TBL1X: variants seen among roughly 807,000 people sequenced by gnomAD.
TBL1X encodes F-box-like/WD repeat-containing protein TBL1X.
In TBL1X, 10 loss-of-function variants were observed where a neutral mutation model predicts 50.7. The ratio of observed to expected loss-of-function variants is 0.20; its 90% CI spans 0.12 to 0.33. The LOEUF (loss-of-function observed/expected upper bound fraction) is 0.33. Ranked by LOEUF, TBL1X falls within the 10% of genes least tolerant of loss-of-function variation. The probability of loss-of-function intolerance (pLI) is 1.00; values close to 1 mark genes in which losing one functional copy is unlikely to be tolerated. For synonymous variants in TBL1X, 190 were observed against 214.7 expected (o/e 0.88, Z 1.01); for missense variants, 340 against 504.4 (o/e 0.67, Z 3.12).
At chrX:9,711,888 G>T (rs1276466981) in intron 16 of TBL1X, 112 bp downstream of exon 16, 8 of 865,757 alleles carry the variant, frequency 9.2e-6, no homozygotes, top group Non-Finnish European at 1.2e-5. Context: ...GCAAGCTCAG[G>T]CTCCCCGGGC....
intron 2 of TBL1X, among the ~76,000 whole-genome samples, chrX:9,516,952 G>T (rs2082083380): frequency 9.0e-6 from 1 of 111,719 alleles, no homozygotes; most frequent in Non-Finnish European, 1.9e-5. Flanking sequence ...AGGGTTTTGG[G>T]TCCTGAGACT....
intron 2 of TBL1X, among the ~76,000 whole-genome samples, chrX:9,518,791 G>A (rs2082093263): frequency 9.0e-6 from 1 of 110,806 alleles, no homozygotes; most frequent in Non-Finnish European, 1.9e-5. Context: ...GTTAGCTTCG[G>A]AGAGCCACTT....
At chrX:9,644,310 G>A (rs1309225911) in intron 3 of TBL1X, among the ~76,000 whole-genome samples, 1 of 112,248 alleles carries the variant, frequency 8.9e-6, no homozygotes, top group Non-Finnish European at 1.9e-5. Flanking sequence ...CCTGCTCCGT[G>A]GAAGCAGTAG....
rs1275421924 is a variant in TBL1X, at chrX:9,521,002, G to A, written c.-131+19153G>A. On this transcript the variant is annotated intron_variant, in intron 2 of 17. Transcript: ENST00000645353. ...AATCCCAGCTGCTCGGGAGGCTGAGGTGGGAGGATAACTTGACCCCAGGAG... is the reference window on the plus strand; with the variant it reads ...AATCCCAGCTGCTCGGGAGGCTGAGATGGGAGGATAACTTGACCCCAGGAG... Among the ~76,000 whole-genome samples, 4 of 111,376 alleles carry A rather than the reference G, an allele frequency of 3.6e-5. No homozygotes were observed. In the East Asian group the frequency reaches 1.1e-3, roughly 31 times the overall value.
At chrX:9,491,331 TA>T (rs1218167181) in intron 1 of TBL1X, among the ~76,000 whole-genome samples, 466 of 28,821 alleles carry the variant, frequency 0.016, 8 homozygotes, top group African/African-American at 0.06. Context: ...TATATATATA[TA>T]TATATATTTT....
chrX:9,561,024 GCA>G (rs1320159918), intron 2 of TBL1X, among the ~76,000 whole-genome samples: 1 of 111,570 alleles, frequency 9.0e-6, no homozygotes, highest in Non-Finnish European at 1.9e-5. Context: ...CTTGGAGGGG[GCA>G]CAGTCACCCG....
At chrX:9,547,216 C>T (rs1032302487) in intron 2 of TBL1X, among the ~76,000 whole-genome samples, 1 of 111,699 alleles carries the variant, frequency 9.0e-6, no homozygotes, top group African/African-American at 3.3e-5. Context: ...GGAACCCCTC[C>T]AGGCTGGGCA....
At chrX:9,621,930 A>AT (rs1232999332) in intron 2 of TBL1X, among the ~76,000 whole-genome samples, 2 of 111,951 alleles carry the variant, frequency 1.8e-5, no homozygotes, top group Admixed American at 9.5e-5. Flanking sequence ...ACTGGAAAGT[A>AT]TATCAGAATG....
chrX:9,630,433 C>T (rs978003896), intron 2 of TBL1X, among the ~76,000 whole-genome samples: 3 of 111,082 alleles, frequency 2.7e-5, no homozygotes, highest in Admixed American at 9.6e-5. Context: ...TCCAGGGAGG[C>T]GCAAGTCTCT....
chrX:9,614,989 G>A (rs191635529), intron 2 of TBL1X, among the ~76,000 whole-genome samples: 2 of 111,434 alleles, frequency 1.8e-5, no homozygotes, highest in Admixed American at 9.5e-5. Flanking sequence ...TAAGCATTCT[G>A]GGAATACCTG....
intron 3 of TBL1X, among the ~76,000 whole-genome samples, chrX:9,652,208 C>T (rs2082839393): frequency 8.9e-6 from 1 of 112,056 alleles, no homozygotes; most frequent in Non-Finnish European, 1.9e-5. Context: ...TGTTAATAAT[C>T]ACAGGAGAGA....
rs550042131 is a variant in TBL1X at position 9,588,111 on chromosome X, C to A, written c.-130-52162C>A. 1.6e-4 allele frequency among the ~76,000 whole-genome samples: 18 copies of A among 112,226 alleles called. No homozygotes were observed. In the South Asian group the frequency reaches 5.9e-3, roughly 37 times the overall value. ...ATAATAATGCAACAATAAAAAAATA[C>A]AAGTTTAAAAACAAATAGAGCATAA... is the stretch of plus-strand genomic sequence containing the variant. On this transcript the variant is annotated intron_variant, in intron 2 of 17. Coordinates refer to ENST00000645353, the MANE Select transcript of TBL1X (RefSeq NM_005647.4).
intron 2 of TBL1X, among the ~76,000 whole-genome samples, chrX:9,635,167 C>T (rs931089248): frequency 5.4e-5 from 6 of 110,828 alleles, no homozygotes; most frequent in Non-Finnish European, 1.1e-4. Flanking sequence ...GCCACGAGCA[C>T]CCGAAGGAAT....
intron 13 of TBL1X, among the ~76,000 whole-genome samples, chrX:9,707,014 G>A (rs1256738121): frequency 1.8e-5 from 2 of 111,830 alleles, no homozygotes; most frequent in East Asian, 2.8e-4. Flanking sequence ...GCTGGCCTGC[G>A]TGTCTGCCTC....
intron 2 of TBL1X, among the ~76,000 whole-genome samples, chrX:9,631,655 A>C (rs1441634150): frequency 8.9e-6 from 1 of 112,751 alleles, no homozygotes; most frequent in African/African-American, 3.2e-5. Context: ...TTTGTGCTAC[A>C]TTTGCCGTAT....
chrX:9,500,221 G>A (rs1318348702), intron 1 of TBL1X, among the ~76,000 whole-genome samples: 1 of 98,478 alleles, frequency 1.0e-5, no homozygotes, highest in African/African-American at 3.8e-5. Flanking sequence ...AGGCTGCAGC[G>A]AGCCATGATG....
intron 3 of TBL1X, among the ~76,000 whole-genome samples, chrX:9,645,891 G>T (rs751106773): frequency 9.0e-5 from 10 of 111,604 alleles, no homozygotes; most frequent in Admixed American, 8.5e-4. Flanking sequence ...CCCAATTTGG[G>T]ACATATCATA....
Position 9,526,654 on chromosome X carries a change from C to T in TBL1X, c.-131+24805C>T, listed in dbSNP as rs567912061. Reference sequence around the variant, plus strand: ...GGGGCCAGTCTTGGCAACTATTCACCTCTGCAACTCAGCCACATTGTGAGA... The same window carrying T: ...GGGGCCAGTCTTGGCAACTATTCACTTCTGCAACTCAGCCACATTGTGAGA... On this transcript the variant is annotated intron_variant, in intron 2 of 17. Transcript: ENST00000645353. Among the ~76,000 whole-genome samples the T allele has an allele frequency of 8.0e-5, 9 of 112,279 alleles. No individual in the cohort carries two copies. In the South Asian group the frequency reaches 3.3e-3, roughly 41 times the overall value.
At chrX:9,505,163 C>T (rs2082019891) in intron 2 of TBL1X, among the ~76,000 whole-genome samples, 1 of 111,862 alleles carries the variant, frequency 8.9e-6, no homozygotes, top group African/African-American at 3.3e-5. Flanking sequence ...ATTCAACATT[C>T]TTAAAGAAAA....
Sources: allele counts gnomAD v4.1 joint callset (sites outside exome capture counted in the v4.1 genomes callset), GRCh38; gene constraint gnomAD v4.1.1; transcripts MANE v1.5; gene names NCBI Gene and HGNC (gene_info 2026-07-23, HGNC 2026-07-21).